PRH1: variants seen among roughly 807,000 people sequenced by gnomAD.
PRH1 encodes salivary acidic proline-rich phosphoprotein 1/2.
In PRH1, 7 loss-of-function variants were observed where a neutral mutation model predicts 7.9. That is an observed-to-expected ratio of 0.89 (90% confidence interval 0.50 to 1.67). PRH1 has a LOEUF of 1.67. Ranked by LOEUF, PRH1 falls within the 40% of genes most tolerant of loss-of-function variation. PRH1 has a pLI of 0.00. For missense variants in PRH1, 109 were observed against 223.6 expected (o/e 0.49, Z 3.27); for synonymous variants, 45 against 80.8 (o/e 0.56, Z 2.38).
chr12:11,122,095 T>C (rs969735855), intron 1 of PRH1, among the ~76,000 whole-genome samples: 2 of 146,808 alleles, frequency 1.4e-5, no homozygotes, highest in African/African-American at 4.9e-5. Context: ...TACACACATA[T>C]ATATATGCGT....
chr12:11,026,308 A>G (rs892892490), intron 1 of PRH1, among the ~76,000 whole-genome samples: 2 of 152,170 alleles, frequency 1.3e-5, no homozygotes, highest in African/African-American at 4.8e-5. Flanking sequence ...GACTGCAGGC[A>G]TGAGCCATCA....
chr12:11,002,069 A>C (rs1309807529), intron 1 of PRH1, among the ~76,000 whole-genome samples: 1 of 152,148 alleles, frequency 6.6e-6, no homozygotes, highest in Non-Finnish European at 1.5e-5. Context: ...TTTAAACTAA[A>C]CTATACTTAA....
intron 1 of PRH1, among the ~76,000 whole-genome samples, chr12:11,121,520 T>C (rs1422574840): frequency 6.6e-6 from 1 of 151,964 alleles, no homozygotes; most frequent in Admixed American, 6.6e-5. Context: ...AAAAAGGCTT[T>C]CTTTAATTAA....
chr12:11,163,178 T>A (rs918949151), intron 1 of PRH1, among the ~76,000 whole-genome samples: 1 of 144,616 alleles, frequency 6.9e-6, no homozygotes, highest in East Asian at 2.5e-4. Context: ...ATATCTTAAA[T>A]TTTTAAAAGC....
At chr12:11,166,111 TC>T (rs1471690652) in intron 1 of PRH1, 2 of 152,236 alleles carry the variant, frequency 1.3e-5, no homozygotes, top group Admixed American at 6.5e-5. Context: ...TTTCTCCCCC[TC>T]CTCCAGTAGC....
intron 1 of PRH1, chr12:11,092,161 A>T: frequency 7.4e-7 from 1 of 1,352,750 alleles, no homozygotes; most frequent in South Asian, 1.1e-5. Flanking sequence ...TGAAGCCATT[A>T]GCAAAATTTC....
At position 11,094,059 on chromosome 12, in the gene PRH1, C is replaced by G. The variant is rs541100556; in HGVS notation, n.124-46871G>C. On this transcript the variant is annotated intron_variant and non_coding_transcript_variant, in intron 1 of 4. Transcript: ENST00000541977. ...AGAAAAATAAAATCCAGGTCCAGTGCAGGCAAGGCTGAGGAAGGCAGATTA... is the reference window on the plus strand; with the variant it reads ...AGAAAAATAAAATCCAGGTCCAGTGGAGGCAAGGCTGAGGAAGGCAGATTA... Among the ~76,000 whole-genome samples, 2 of 112,436 alleles carry G rather than the reference C, an allele frequency of 1.8e-5. 1 individual carries two copies. The highest frequency in any genetic ancestry group is 4.2e-5 in the Non-Finnish European group (2 of 48,108). The allele number at this position is 112,436 out of a possible 152,430, so 73.8% of individuals were successfully genotyped here.
At chr12:11,155,757 T>C (rs7309182) in intron 1 of PRH1, among the ~76,000 whole-genome samples, 1,689 of 152,264 alleles carry the variant, frequency 0.011, 22 homozygotes, top group African/African-American at 0.039. Flanking sequence ...CCTTAATTTA[T>C]AGGTATTTGA....
At chr12:10,898,503 C>T (rs1044041738) in intron 2 of PRH1, among the ~76,000 whole-genome samples, 1 of 152,182 alleles carries the variant, frequency 6.6e-6, no homozygotes, top group Non-Finnish European at 1.5e-5. Flanking sequence ...TGAATATCTT[C>T]TTTGTTCCAG....
intron 1 of PRH1, chr12:10,973,763 T>C (rs1591752024): frequency 1.3e-6 from 1 of 772,518 alleles, no homozygotes; most frequent in East Asian, 2.4e-5. Flanking sequence ...TATTTTCAAT[T>C]CATCGGAGAG....
chr12:11,156,142 C>A (rs1054568290), intron 1 of PRH1, among the ~76,000 whole-genome samples: 1 of 152,046 alleles, frequency 6.6e-6, no homozygotes, highest in Admixed American at 6.6e-5. Context: ...TTTTGAATTT[C>A]TGTTTATGAA....
intron 2 of PRH1, among the ~76,000 whole-genome samples, chr12:10,910,334 A>C (rs1457646292): frequency 6.6e-6 from 1 of 152,248 alleles, no homozygotes; most frequent in African/African-American, 2.4e-5. Flanking sequence ...ATACTATAAT[A>C]AAAGTTGCCA....
chr12:11,112,658 A>G (rs1945622260), intron 1 of PRH1, among the ~76,000 whole-genome samples: 1 of 152,214 alleles, frequency 6.6e-6, no homozygotes, highest in Non-Finnish European at 1.5e-5. Flanking sequence ...GTATCTCAAA[A>G]TATTAAGTGC....
intron 1 of PRH1, among the ~76,000 whole-genome samples, chr12:11,104,145 AAGATACTTCGCAC>A (rs1945337784): frequency 6.6e-6 from 1 of 151,344 alleles, no homozygotes; most frequent in African/African-American, 2.4e-5. Flanking sequence ...AACACAGTCA[AAGATACTTCGCAC>A]AGATAAGATC....
At chr12:10,903,769 C>A (rs1223659802) in intron 2 of PRH1, among the ~76,000 whole-genome samples, 2 of 151,136 alleles carry the variant, frequency 1.3e-5, no homozygotes, top group East Asian at 3.9e-4. Context: ...TCCATACATA[C>A]AAAACCCTAA....
At chr12:10,919,476 CT>C (rs1386339272) in intron 2 of PRH1, among the ~76,000 whole-genome samples, 2 of 152,148 alleles carry the variant, frequency 1.3e-5, no homozygotes. Flanking sequence ...CAGTCTTTTC[CT>C]TAATGACATG....
chr12:10,924,051 G>A (rs1367451817), intron 2 of PRH1, among the ~76,000 whole-genome samples: 4 of 131,458 alleles, frequency 3.0e-5, no homozygotes, highest in African/African-American at 8.3e-5. Flanking sequence ...GCTGGAGTGC[G>A]ATCTCAGCTC....
intron 1 of PRH1, among the ~76,000 whole-genome samples, chr12:10,978,480 T>C (rs1238094143): frequency 1.3e-5 from 2 of 151,538 alleles, no homozygotes; most frequent in South Asian, 2.1e-4. Flanking sequence ...ACCTGAAAAA[T>C]AACCTAGGAA....
intron 1 of PRH1, among the ~76,000 whole-genome samples, chr12:11,137,816 T>C (rs538985441): frequency 6.6e-6 from 1 of 152,292 alleles, no homozygotes; most frequent in African/African-American, 2.4e-5. Context: ...CAAAAATAAA[T>C]CATTTAATGA....
Sources: allele counts gnomAD v4.1 joint callset (sites outside exome capture counted in the v4.1 genomes callset), GRCh38; gene constraint gnomAD v4.1.1; transcripts MANE v1.5; gene names NCBI Gene and HGNC (gene_info 2026-07-23, HGNC 2026-07-21).